Variants in WDR91 observed in about 807,000 individuals in gnomAD.
The protein encoded by WDR91 is WD repeat domain 91.
Under a neutral mutation model 88.4 loss-of-function variants are expected in WDR91, and 52 were observed. The observed-to-expected ratio is 0.59, with a 90% confidence interval of 0.47 to 0.74. WDR91 has a LOEUF of 0.74. Ranked by LOEUF, WDR91 falls within the 30% of genes least tolerant of loss-of-function variation. WDR91 has a pLI of 0.00. For synonymous variants in WDR91, 362 were observed against 389.5 expected, an observed-to-expected ratio of 0.93 and a Z score of 0.83; for missense variants, 824 against 954.5, an observed-to-expected ratio of 0.86 and a Z score of 1.80.
intron 6 of WDR91, chr7:135,198,950 T>C (rs571527184): frequency 1.3e-5 from 2 of 152,280 alleles, no homozygotes; most frequent in East Asian, 3.9e-4. Flanking sequence ...TTTTCCAGCT[T>C]TTTACCCACA....
chr7:135,209,929 G>T, intron 1 of WDR91, 174 bp from the exon 2 acceptor site: 2 of 524,942 alleles, frequency 3.8e-6, no homozygotes, highest in Non-Finnish European at 6.4e-6. Flanking sequence ...GTAATTTTCT[G>T]ATGTTAGAGA....
At chr7:135,209,444 A>T (rs1831932495) in intron 2 of WDR91, 132 bp downstream of exon 2, 1 of 849,432 alleles carries the variant, frequency 1.2e-6, no homozygotes, top group Non-Finnish European at 1.7e-6. Context: ...GTCAAAAATA[A>T]TTGCACTGTA....
chr7:135,188,907 G>A (rs1383682298), intron 12 of WDR91, among the ~76,000 whole-genome samples: 6 of 152,210 alleles, frequency 3.9e-5, no homozygotes. Context: ...CAGGCTCTGG[G>A]GATGTCTCCT....
Position 135,185,633 on chromosome 7 carries a change from CAG to C in WDR91, c.*516_*517del, listed in dbSNP as rs1049654447. ...TGCCAAACCTTGTTACCCAGCAGAA[CAG>C]ACAGAGAGCTGACCTGGCTCCATGG... On this transcript the variant is annotated 3_prime_UTR_variant, in exon 15 of 15. Coordinates refer to ENST00000354475, the MANE Select transcript of WDR91 (RefSeq NM_014149.4). The C allele has an allele frequency of 1.3e-5, 2 of 152,280 alleles. No individual in the cohort carries two copies. The highest frequency in any genetic ancestry group is 4.8e-5 in the African/African-American group (2 of 41,460). 9.4% of individuals were successfully genotyped at this position (152,280 alleles called of 1,614,324 possible). A position where few individuals can be genotyped will look rare whatever the true frequency, so the allele number is the denominator to read the frequency against.
Position 135,195,030 on chromosome 7 carries a change from T to G in WDR91, c.1299A>C (p.Lys433Asn). The change falls in exon 9 of 15, where the codon AAA becomes AAC. Residue 433 changes from lysine to asparagine, a missense_variant. Physicochemically the swap from Lys to Asn is moderately conservative, Grantham distance 94. Transcript: ENST00000354475. ...VASLDVDGVI[K>N]VWSFNPIMQT... ...GCATGATGGGGTTGAAGGACCACAC[T>G]TTGATGACCCCATCTACGTCTAAGC... 6.2e-7 allele frequency: 1 copy of G among 1,614,112 alleles called. No individual in the cohort carries two copies. Among genetic ancestry groups the G allele is most frequent in the Non-Finnish European group, 8.5e-7 (1 of 1,180,030 alleles).
At position 135,189,429 on chromosome 7, in the gene WDR91, T is replaced by C. The variant is rs753096742; in HGVS notation, c.1683A>G (p.Glu561=). 1.2e-5 allele frequency: 20 copies of C among 1,613,746 alleles called. No homozygotes were observed. Among genetic ancestry groups the C allele is most frequent in the Non-Finnish European group, 1.7e-5 (20 of 1,179,840 alleles). ...KQQLQFSLDP[E]PIAINCTAFN... ...AGGCTGTACAGTTGATAGCAATGGGTTCTGGATCCAGGGAGAACTGGAGCT... is the reference window on the plus strand; with the variant it reads ...AGGCTGTACAGTTGATAGCAATGGGCTCTGGATCCAGGGAGAACTGGAGCT... Residue 561 remains glutamate, a synonymous_variant, in exon 12 of 15, where the codon GAA becomes GAG. Coordinates refer to ENST00000354475, the MANE Select transcript of WDR91 (RefSeq NM_014149.4).
At chr7:135,191,457 T>C (rs1274040302) in intron 11 of WDR91, among the ~76,000 whole-genome samples, 1 of 151,928 alleles carries the variant, frequency 6.6e-6, no homozygotes, top group Non-Finnish European at 1.5e-5. Flanking sequence ...TACAAAAAAT[T>C]AGCTGGGTGT....
intron 6 of WDR91, chr7:135,201,954 G>A (rs1831589260): frequency 6.6e-6 from 1 of 152,190 alleles, no homozygotes; most frequent in South Asian, 2.1e-4. Flanking sequence ...AGGATGTGAG[G>A]GGAAATCATG....
chr7:135,188,638 G>A, intron 12 of WDR91, 93 bp from the exon 13 acceptor site: 5 of 1,122,308 alleles, frequency 4.5e-6, no homozygotes, highest in Non-Finnish European at 4.0e-6. Flanking sequence ...CTCTACTCAG[G>A]CTGACAGCTG....
In WDR91 at chr7:135,211,383, G is replaced by A. The variant is rs779557963; in HGVS notation, c.120C>T (p.Phe40=). The A allele has an allele frequency of 8.1e-6, 13 of 1,609,152 alleles. No homozygotes were observed. In the South Asian group the frequency reaches 1.4e-4, roughly 18 times the overall value. Residue 40 remains phenylalanine, a synonymous_variant, in exon 1 of 15, where the codon TTC becomes TTT. Coordinates refer to ENST00000354475, the MANE Select transcript of WDR91 (RefSeq NM_014149.4). ...AEIKADKEKG[F]RVDKIVDQLQ... ...GCCGCTCCCGCCGGCCTCTCACCCGGAACCCCTTCTCCTTGTCCGCCTTGA... is the reference window on the plus strand; with the variant it reads ...GCCGCTCCCGCCGGCCTCTCACCCGAAACCCCTTCTCCTTGTCCGCCTTGA...
At chr7:135,198,415 T>C in intron 6 of WDR91, 1 of 443,736 alleles carries the variant, frequency 2.3e-6, no homozygotes, top group African/African-American at 1.9e-5. Flanking sequence ...GTCATCTTGA[T>C]CTAATCGGAA....
Position 135,206,130 on chromosome 7 carries a change from C to A in WDR91, c.595-72G>T, listed in dbSNP as rs377176273. 9.8e-5 allele frequency: 156 copies of A among 1,599,598 alleles called. 1 individual carries two copies. Among genetic ancestry groups the A allele is most frequent in the East Asian group, 9.6e-4 (43 of 44,738 alleles). Reference sequence around the variant, plus strand: ...CCCTCTGCGGAGGAAGATTTCTAGACACATCGCATCCAAGCCCACTGGTCT... The same window carrying A: ...CCCTCTGCGGAGGAAGATTTCTAGAAACATCGCATCCAAGCCCACTGGTCT... On this transcript the variant is annotated intron_variant, in intron 4 of 14. Transcript: ENST00000354475.
At position 135,196,334 on chromosome 7, in the gene WDR91, C is replaced by A. The variant is rs777069802; in HGVS notation, c.1054G>T (p.Ala352Ser). ...CCACTGGCTTCTGGTTTCTTCTCTG[C>A]ACACTGTCACAAGCAGGGTGGGGAC... ...ELFSTTTSQC[A>S]EKKPEASGPE... Residue 352 changes from alanine (A) to serine (S), a missense_variant, in exon 8 of 15, where the codon GCA (alanine) becomes TCA (serine). Physicochemically the swap from Ala to Ser is moderately conservative, Grantham distance 99. Coordinates refer to ENST00000354475, the MANE Select transcript of WDR91 (RefSeq NM_014149.4). The surrounding 1 kb of genome is among the most constrained non-coding windows in gnomAD (Gnocchi z 4.2). 1.9e-6 allele frequency: 3 copies of A among 1,549,878 alleles called. No individual in the cohort carries two copies. The highest frequency in any genetic ancestry group is 3.9e-5 in the Admixed American group (2 of 51,942).
chr7:135,198,246 G>A, intron 6 of WDR91, 95 bp from the exon 7 acceptor site: 1 of 1,423,966 alleles, frequency 7.0e-7, no homozygotes, highest in Admixed American at 2.3e-5. Context: ...GGGGGGCGTG[G>A]TGGGTTGGGG....
rs1832019201 is a variant in WDR91, at chr7:135,211,474, T to A, written c.29A>T (p.Glu10Val). 1 of 1,611,700 alleles carries A rather than the reference T, an allele frequency of 6.2e-7. No homozygotes were observed. The highest frequency in any genetic ancestry group is 1.1e-5 in the South Asian group (1 of 90,940). Residue 10 changes from glutamate to valine, a missense_variant, in exon 1 of 15, where the codon GAG (glutamate) becomes GTG (valine). Glu to Val is a moderately radical substitution (Grantham distance 121). Coordinates refer to ENST00000354475, the MANE Select transcript of WDR91 (RefSeq NM_014149.4). MAEAVERTD[E>V]LVREYLLFRG... ...GAAGAGCAGGTACTCCCGGACCAGC[T>A]CGTCAGTGCGCTCCACGGCCTCCGC...
chr7:135,202,853 C>T (rs1001791524), intron 6 of WDR91, among the ~76,000 whole-genome samples: 1 of 152,114 alleles, frequency 6.6e-6, no homozygotes, highest in Non-Finnish European at 1.5e-5. Context: ...TAGGAGTAAC[C>T]ATGTTTGAGT....
Position 135,186,973 on chromosome 7 carries a change from T to C in WDR91, c.2078A>G (p.Lys693Arg), listed in dbSNP as rs777236933. The change falls in exon 14 of 15, where the codon AAG becomes AGG. Residue 693 changes from lysine to arginine, a missense_variant and splice_region_variant. Physicochemically the swap from Lys to Arg is conservative, Grantham distance 26. Transcript: ENST00000354475. ...CTCCCACCCCCAACCATCAGTTACC[T>C]TGTAGATGACGCCGCCTGTGGCAGA... ...TCSATGGVIY[K>R]LGGDEKVLES... 5 of 1,613,572 alleles carry C rather than the reference T, an allele frequency of 3.1e-6. No homozygotes were observed. Among genetic ancestry groups the C allele is most frequent in the Non-Finnish European group, 4.2e-6 (5 of 1,180,018 alleles).
At chr7:135,203,740 G>A (rs1412932409) in intron 6 of WDR91, among the ~76,000 whole-genome samples, 1 of 152,026 alleles carries the variant, frequency 6.6e-6, no homozygotes, top group Non-Finnish European at 1.5e-5. Context: ...GAGTTCATAG[G>A]AAATTTATGA....
intron 6 of WDR91, among the ~76,000 whole-genome samples, chr7:135,200,774 TC>T (rs2117684655): frequency 6.6e-6 from 1 of 152,288 alleles, no homozygotes; most frequent in South Asian, 2.1e-4. Flanking sequence ...CATTTGACCT[TC>T]TCACTCTGGA....
Sources: gnomAD v4.1 joint callset for allele counts (sites outside exome capture counted in the v4.1 genomes callset) on GRCh38, gnomAD v4.1.1 for gene constraint, Gnocchi (gnomAD v3.1) non-coding constraint, MANE v1.5 for transcripts, NCBI Gene and HGNC (gene_info 2026-07-23, HGNC 2026-07-21) for gene names.